Variants in SLC8A1 observed in about 807,000 individuals in gnomAD.
The protein encoded by SLC8A1 is solute carrier family 8 member A1.
Under a neutral mutation model 68.3 loss-of-function variants are expected in SLC8A1, and 18 were observed. The ratio of observed to expected loss-of-function variants is 0.26; its 90% CI spans 0.18 to 0.39. The LOEUF (loss-of-function observed/expected upper bound fraction) is 0.39, where lower values mean the gene tolerates loss of function less well. SLC8A1 is among the 10% of genes least tolerant of loss of function. SLC8A1 has a pLI of 1.00. For synonymous variants in SLC8A1, 475 were observed against 415.5 expected, an observed-to-expected ratio of 1.14 and a Z score of -1.74; for missense variants, 985 against 1,156.7, an observed-to-expected ratio of 0.85 and a Z score of 2.15.
At chr2:40,424,636 A>C (rs1480024864) in intron 2 of SLC8A1, among the ~76,000 whole-genome samples, 1 of 151,866 alleles carries the variant, frequency 6.6e-6, no homozygotes, top group African/African-American at 2.4e-5. Flanking sequence ...AAGTTTGGGT[A>C]GGCCCGTTGT....
At chr2:40,173,281 A>G (rs2047870195) in intron 4 of SLC8A1, among the ~76,000 whole-genome samples, 1 of 152,192 alleles carries the variant, frequency 6.6e-6, no homozygotes, top group Non-Finnish European at 1.5e-5. Context: ...GAAAAAGGAG[A>G]TAAAAGTTTA....
At chr2:40,232,456 C>T (rs1032288575) in intron 2 of SLC8A1, among the ~76,000 whole-genome samples, 9 of 150,610 alleles carry the variant, frequency 6.0e-5, no homozygotes, top group Non-Finnish European at 1.2e-4. Context: ...AGTGGTGTGC[C>T]TTTCGAATGG....
intron 2 of SLC8A1, among the ~76,000 whole-genome samples, chr2:40,218,747 A>T (rs2148824379): frequency 6.6e-6 from 1 of 151,506 alleles, no homozygotes; most frequent in East Asian, 1.9e-4. Context: ...AAACTAATTA[A>T]CATCCTTGCT....
exon 8 of SLC8A1, chr2:40,107,289 A>AAAAAAAAAAAG: frequency 6.7e-6 from 1 of 149,360 alleles, no homozygotes; most frequent in African/African-American, 2.5e-5. Flanking sequence ...CAAAAAAAAA[A>AAAAAAAAAAAG]AAAAAAAAAA....
Position 40,444,391 on chromosome 2 carries a change from G to T in SLC8A1, c.-25+7513C>A, listed in dbSNP as rs1025145841. 3.9e-5 allele frequency among the ~76,000 whole-genome samples: 6 copies of T among 152,066 alleles called. No homozygotes were observed. In the South Asian group the frequency reaches 1.2e-3, roughly 32 times the overall value. On this transcript the variant is annotated intron_variant, in intron 1 of 7. Transcript: ENST00000406785. ...GTCTCCCTAGCCCCCACCTTTCCCA[G>T]TAAGAAAACTTGGGGCCTGATAACT...
At chr2:40,396,238 C>T (rs190237415) in intron 2 of SLC8A1, among the ~76,000 whole-genome samples, 17 of 152,186 alleles carry the variant, frequency 1.1e-4, no homozygotes, top group Admixed American at 7.9e-4. Context: ...TAAGCATGAC[C>T]ATTCTTCCCC....
chr2:40,495,071 G>C (rs1313717938), intron 1 of SLC8A1, among the ~76,000 whole-genome samples: 4 of 151,906 alleles, frequency 2.6e-5, no homozygotes, highest in Non-Finnish European at 5.9e-5. Context: ...TTGGTACTGG[G>C]TTTGTCAACT....
exon 8 of SLC8A1, chr2:40,105,005 C>A (rs1463251939): frequency 6.6e-6 from 1 of 152,056 alleles, no homozygotes; most frequent in Non-Finnish European, 1.5e-5. Flanking sequence ...ATGGTGTGTG[C>A]TTTTGTACAA....
intron 2 of SLC8A1, among the ~76,000 whole-genome samples, chr2:40,233,087 G>A (rs1294655840): frequency 1.3e-5 from 2 of 152,166 alleles, no homozygotes; most frequent in Non-Finnish European, 2.9e-5. Context: ...ATAGCAGCAT[G>A]ATTTATAGTC....
In SLC8A1 at chr2:40,326,291, C is replaced by G. The variant is rs1293845399; in HGVS notation, c.1808+102182G>C. ...GTCTTTGCCTGTGCTGCTAAACCTC[C>G]TACTTTTGGTACAGTGCACTATGTA... On this transcript the variant is annotated intron_variant, in intron 2 of 7. Coordinates refer to ENST00000406785, the Ensembl canonical transcript of SLC8A1. 2.0e-5 allele frequency among the ~76,000 whole-genome samples: 3 copies of G among 152,068 alleles called. No individual in the cohort carries two copies. The East Asian group carries it at 5.8e-4, about 29-fold the overall frequency.
intron 1 of SLC8A1, among the ~76,000 whole-genome samples, chr2:40,480,208 C>G (rs1347151356): frequency 6.6e-6 from 1 of 152,100 alleles, no homozygotes; most frequent in Non-Finnish European, 1.5e-5. Context: ...GCTCTCTTCC[C>G]CAAATGTGAA....
intron 1 of SLC8A1, among the ~76,000 whole-genome samples, chr2:40,460,113 T>A (rs1415943599): frequency 6.6e-6 from 1 of 152,224 alleles, no homozygotes; most frequent in Non-Finnish European, 1.5e-5. Context: ...TTACAACTCA[T>A]ATACTGTGCT....
intron 2 of SLC8A1, among the ~76,000 whole-genome samples, chr2:40,313,641 G>A (rs745921129): frequency 6.6e-5 from 10 of 151,848 alleles, no homozygotes; most frequent in East Asian, 1.9e-4. Flanking sequence ...GGGTTCAAGC[G>A]AACCTCCCAC....
At chr2:40,250,879 C>T (rs1178950827) in intron 2 of SLC8A1, 2 of 152,090 alleles carry the variant, frequency 1.3e-5, no homozygotes, top group Non-Finnish European at 2.9e-5. Flanking sequence ...TCTGTAGTTC[C>T]AATGATTGAT....
At chr2:40,237,492 A>G (rs1013400798) in intron 2 of SLC8A1, among the ~76,000 whole-genome samples, 1 of 151,958 alleles carries the variant, frequency 6.6e-6, no homozygotes, top group African/African-American at 2.4e-5. Flanking sequence ...TGGTTATTCT[A>G]GTTATACATT....
rs924849967 is a variant in SLC8A1 at position 40,406,733 on chromosome 2, C to T, written c.1808+21740G>A. On this transcript the variant is annotated intron_variant, in intron 2 of 7. Coordinates refer to ENST00000406785, the Ensembl canonical transcript of SLC8A1. ...GAGGAAGCAACATGGTCCTGCATTT[C>T]GATCTAAGCCTACAATCTAACCATT... is the stretch of plus-strand genomic sequence containing the variant. 2.6e-5 allele frequency among the ~76,000 whole-genome samples: 4 copies of T among 152,144 alleles called. No individual in the cohort carries two copies. The South Asian group carries it at 6.2e-4, about 24-fold the overall frequency.
At chr2:40,252,942 C>CAT (rs961151492) in intron 2 of SLC8A1, among the ~76,000 whole-genome samples, 2 of 133,940 alleles carry the variant, frequency 1.5e-5, no homozygotes, top group African/African-American at 6.2e-5. Flanking sequence ...TATGTATGTA[C>CAT]ATATATACAT....
intron 6 of SLC8A1, among the ~76,000 whole-genome samples, chr2:40,157,260 A>ATTC (rs2044714800): frequency 6.6e-6 from 1 of 152,194 alleles, no homozygotes; most frequent in Admixed American, 6.5e-5. Context: ...GTTTAAATTA[A>ATTC]TTCTTATGGC....
chr2:40,347,437 A>C (rs61578092), intron 2 of SLC8A1, among the ~76,000 whole-genome samples: 1 of 152,158 alleles, frequency 6.6e-6, no homozygotes, highest in East Asian at 1.9e-4. Context: ...AAGAGAATCC[A>C]GGCTTCAGAG....
Sources: gnomAD v4.1 joint callset for allele counts (sites outside exome capture counted in the v4.1 genomes callset) on GRCh38, gnomAD v4.1.1 for gene constraint, MANE v1.5 for transcripts, NCBI Gene and HGNC (gene_info 2026-07-23, HGNC 2026-07-21) for gene names.